Variants in TMCO1 observed in about 807,000 individuals in gnomAD.
TMCO1 encodes the protein transmembrane and coiled-coil domains 1.
TMCO1 carries 29 observed loss-of-function variants against 29.3 expected under a neutral mutation model. That is an observed-to-expected ratio of 0.99 (90% CI 0.74 to 1.35). The LOEUF is 1.35. Ranked by LOEUF, TMCO1 falls within the 40% of genes most tolerant of loss-of-function variation. TMCO1 has a pLI of 0.00. For synonymous variants in TMCO1, 80 were observed against 77.1 expected (o/e 1.04, Z -0.20); for missense variants, 173 against 225.5 (o/e 0.77, Z 1.49).
chr1:165,766,489 G>A (rs995620069), intron 2 of TMCO1, among the ~76,000 whole-genome samples: 33 of 152,186 alleles, frequency 2.2e-4, no homozygotes, highest in African/African-American at 7.5e-4. Flanking sequence ...GTAAATTGCA[G>A]AAGAATGATC....
chr1:165,724,880 A>G (rs1376862944), downstream of TMCO1: 5 of 453,764 alleles, frequency 1.1e-5, no homozygotes, highest in Admixed American at 4.7e-5. Flanking sequence ...TCAAAATAAT[A>G]CAGAAAGGGC....
rs79111961 is a variant in TMCO1, at chr1:165,727,606, A to C, written c.*417T>G. On this transcript the variant is annotated 3_prime_UTR_variant, in exon 7 of 7. Coordinates refer to ENST00000367881, the MANE Select transcript of TMCO1 (RefSeq NM_019026.6). ...ATGTCATGTATTTGGCTTGAAAAAA[A>C]AACAACAACAAAACAAACAGTTACA... 2,577 of 454,038 alleles carry C rather than the reference A, an allele frequency of 5.7e-3. 61 individuals carry two copies. Among genetic ancestry groups the C allele is most frequent in the African/African-American group, 0.047 (2,357 of 50,104 alleles). 28.1% of individuals were successfully genotyped at this position (454,038 alleles called of 1,614,324 possible).
intron 5 of TMCO1, among the ~76,000 whole-genome samples, chr1:165,751,896 GAAAGA>G (rs1286523084): frequency 6.6e-6 from 1 of 151,232 alleles, no homozygotes; most frequent in African/African-American, 2.4e-5. Flanking sequence ...ATATAATAGA[GAAAGA>G]AAAGAGAGAA....
intron 3 of TMCO1, 146 bp from the exon 4 acceptor site, chr1:165,754,420 T>G: frequency 3.1e-6 from 2 of 646,500 alleles, no homozygotes; most frequent in East Asian, 2.7e-5. Flanking sequence ...ATAGTATACG[T>G]TTTGTACTCA....
At chr1:165,750,723 T>A (rs1426541786) in intron 5 of TMCO1, among the ~76,000 whole-genome samples, 1 of 152,152 alleles carries the variant, frequency 6.6e-6, no homozygotes, top group Non-Finnish European at 1.5e-5. Context: ...TATTAAAGTT[T>A]ATATTCAGCC....
intron 5 of TMCO1, among the ~76,000 whole-genome samples, chr1:165,748,943 C>A (rs753244748): frequency 1.8e-4 from 28 of 152,150 alleles, no homozygotes; most frequent in Non-Finnish European, 3.1e-4. Flanking sequence ...CAGTATACAG[C>A]CTTTTTGGAA....
chr1:165,765,503 C>T (rs1326716308), intron 2 of TMCO1, among the ~76,000 whole-genome samples: 6 of 152,126 alleles, frequency 3.9e-5, no homozygotes, highest in African/African-American at 1.4e-4. Flanking sequence ...AGGCTGGTCT[C>T]GAAGGCCTGA....
At chr1:165,750,536 C>T (rs949734440) in intron 5 of TMCO1, among the ~76,000 whole-genome samples, 18 of 130,034 alleles carry the variant, frequency 1.4e-4, no homozygotes, top group South Asian at 2.5e-4. Context: ...AGCAAAACTC[C>T]GTCTCAAAAA....
intron 6 of TMCO1, among the ~76,000 whole-genome samples, chr1:165,736,889 T>A (rs1558031817): frequency 6.6e-6 from 1 of 152,080 alleles, no homozygotes; most frequent in East Asian, 1.9e-4. Context: ...ACAAACCCGA[T>A]CTCCAGGGCT....
At chr1:165,765,579 GCCT>G (rs1446040763) in intron 2 of TMCO1, among the ~76,000 whole-genome samples, 1 of 152,204 alleles carries the variant, frequency 6.6e-6, no homozygotes, top group Admixed American at 6.5e-5. Flanking sequence ...ACCGCGCCCT[GCCT>G]TGCAGTTTTA....
At chr1:165,744,133 T>G (rs1023078781) in intron 5 of TMCO1, among the ~76,000 whole-genome samples, 2 of 152,034 alleles carry the variant, frequency 1.3e-5, no homozygotes, top group Non-Finnish European at 2.9e-5. Context: ...CCTACAGGAA[T>G]AGAAGCTTGT....
intron 3 of TMCO1, among the ~76,000 whole-genome samples, chr1:165,754,675 C>T (rs1652129088): frequency 6.6e-6 from 1 of 152,054 alleles, no homozygotes; most frequent in African/African-American, 2.4e-5. Flanking sequence ...TCTAAAATGG[C>T]ATATAGTCTA....
intron 1 of TMCO1, 34 bp downstream of exon 1, chr1:165,768,648 A>C: frequency 1.2e-6 from 2 of 1,613,496 alleles, no homozygotes; most frequent in Non-Finnish European, 1.7e-6. Flanking sequence ...CCTCCCGGGG[A>C]CTGATCAAAC....
intron 6 of TMCO1, among the ~76,000 whole-genome samples, chr1:165,735,854 C>T (rs1386636298): frequency 6.6e-6 from 1 of 152,200 alleles, no homozygotes; most frequent in Non-Finnish European, 1.5e-5. Context: ...AGCCAATAAG[C>T]AGCCCAGTTA....
At chr1:165,730,106 G>A (rs1334081701) in intron 6 of TMCO1, among the ~76,000 whole-genome samples, 6 of 149,950 alleles carry the variant, frequency 4.0e-5, no homozygotes, top group Non-Finnish European at 7.4e-5. Context: ...CGGATCACGA[G>A]GTCAGGAGAT....
chr1:165,730,166 ACACAC>A lies in TMCO1; in HGVS notation c.469-2050_469-2046del, dbSNP rs1264230685. ...GAAACCCCGTCTGTACTAAAAATAC[ACACAC>A]ACAAAAAAAAAAAAATTAGCCGGGA... On this transcript the variant is annotated intron_variant, in intron 6 of 6. Coordinates refer to ENST00000367881, the MANE Select transcript of TMCO1 (RefSeq NM_019026.6). Among the ~76,000 whole-genome samples the A allele has an allele frequency of 3.8e-4, 11 of 28,656 alleles. 3 individuals carry two copies. Among genetic ancestry groups the A allele is most frequent in the East Asian group, 0.011 (2 of 186 alleles). The allele number at this position is 28,656 out of a possible 152,430, so 18.8% of individuals were successfully genotyped here.
chr1:165,758,589 A>G (rs75769282), intron 3 of TMCO1, among the ~76,000 whole-genome samples: 2,044 of 152,142 alleles, frequency 0.013, 51 homozygotes, highest in African/African-American at 0.047. Flanking sequence ...AGAAAAAAAC[A>G]AGCAAACAAA....
intron 5 of TMCO1, among the ~76,000 whole-genome samples, chr1:165,745,560 T>A (rs962982471): frequency 4.7e-5 from 7 of 150,008 alleles, no homozygotes; most frequent in Non-Finnish European, 1.0e-4. Flanking sequence ...GGTAGGGGGA[T>A]CACTTGAGCC....
chr1:165,755,686 AAAAAG>A (rs1652167259), intron 3 of TMCO1, among the ~76,000 whole-genome samples: 1 of 152,178 alleles, frequency 6.6e-6, no homozygotes, highest in Non-Finnish European at 1.5e-5. Flanking sequence ...AACAAAACAA[AAAAAG>A]AAAAGAGATA....
Sources: gnomAD v4.1 joint callset for allele counts (sites outside exome capture counted in the v4.1 genomes callset) on GRCh38, gnomAD v4.1.1 for gene constraint, MANE v1.5 for transcripts, NCBI Gene and HGNC (gene_info 2026-07-23, HGNC 2026-07-21) for gene names.